Variants in FUT9 observed in about 807,000 individuals in gnomAD.
FUT9 encodes 4-galactosyl-N-acetylglucosaminide 3-alpha-L-fucosyltransferase 9.
A neutral mutation model predicts 29.7 loss-of-function variants in FUT9; 15 were observed. That is an observed-to-expected ratio of 0.51 (90% CI 0.34 to 0.78). The LOEUF (loss-of-function observed/expected upper bound fraction) is 0.78. Ranked by LOEUF, FUT9 falls within the 30% of genes least tolerant of loss-of-function variation. The pLI, the probability that FUT9 is intolerant of heterozygous loss-of-function variation, is 0.01. For missense variants in FUT9, 319 were observed against 425.4 expected (o/e 0.75, Z 2.20); for synonymous variants, 169 against 153.7 (o/e 1.10, Z -0.74).
chr6:96,101,751 T>C (rs1392974867), intron 1 of FUT9, among the ~76,000 whole-genome samples: 1 of 151,026 alleles, frequency 6.6e-6, no homozygotes, highest in African/African-American at 2.4e-5. Context: ...CCTCTTGGGC[T>C]CCAGCTATCC....
In FUT9 at chr6:96,090,101, A is replaced by C. The variant is rs376723133; in HGVS notation, c.-97-23938A>C. Among the ~76,000 whole-genome samples the C allele has an allele frequency of 6.6e-4, 101 of 152,262 alleles. 3 individuals carry two copies. The Middle Eastern group carries it at 0.024, about 36-fold the overall frequency. On this transcript the variant is annotated intron_variant, in intron 1 of 2. Coordinates refer to ENST00000302103, the MANE Select transcript of FUT9 (RefSeq NM_006581.4). ...TTGAACAATACAAGTACCAATGGAC[A>C]TATAGAGTGCTTACGGCCCATAAGA...
chr6:96,047,111 G>A (rs1396326915), intron 1 of FUT9, among the ~76,000 whole-genome samples: 1 of 152,102 alleles, frequency 6.6e-6, no homozygotes, highest in Non-Finnish European at 1.5e-5. Context: ...AAGCTCATAT[G>A]GTTTGGAGCC....
chr6:96,158,857 A>G lies in FUT9; in HGVS notation c.-8-44291A>G, dbSNP rs117687418. 4.1e-4 allele frequency among the ~76,000 whole-genome samples: 62 copies of G among 152,210 alleles called. No homozygotes were observed. The East Asian group carries it at 0.011, about 28-fold the overall frequency. On this transcript the variant is annotated intron_variant, in intron 2 of 2. Coordinates refer to ENST00000302103, the MANE Select transcript of FUT9 (RefSeq NM_006581.4). ...TAACATCATTTGTTAAATTATTTTT[A>G]AGCACTTGCTTGCAGATTTTCTGCT...
intron 1 of FUT9, among the ~76,000 whole-genome samples, chr6:96,052,809 T>G (rs1244281539): frequency 6.6e-6 from 1 of 151,760 alleles, no homozygotes; most frequent in African/African-American, 2.4e-5. Context: ...AAAAAAAATC[T>G]GAAAAAAAAA....
At chr6:96,046,244 C>CACACA (rs71012534) in intron 1 of FUT9, among the ~76,000 whole-genome samples, 2 of 149,138 alleles carry the variant, frequency 1.3e-5, no homozygotes, top group African/African-American at 2.5e-5. Context: ...CACACACACA[C>CACACA]CCCTGAAGCA....
At chr6:96,201,735 T>G (rs1773729097) in intron 2 of FUT9, among the ~76,000 whole-genome samples, 1 of 151,860 alleles carries the variant, frequency 6.6e-6, no homozygotes, top group African/African-American at 2.4e-5. Context: ...TTGATATGTA[T>G]CTTTTGTTTT....
intron 1 of FUT9, among the ~76,000 whole-genome samples, chr6:96,088,530 T>TTGTGTGTG (rs35995545): frequency 1.5e-4 from 22 of 148,830 alleles, no homozygotes; most frequent in African/African-American, 5.5e-4. Context: ...TTTGTTTGTT[T>TTGTGTGTG]TGTGTGTGTG....
chr6:96,140,941 GT>G (rs1376864436), intron 2 of FUT9, among the ~76,000 whole-genome samples: 1 of 152,094 alleles, frequency 6.6e-6, no homozygotes, highest in Non-Finnish European at 1.5e-5. Flanking sequence ...ATAAACATTT[GT>G]TTTATGTTAT....
intron 1 of FUT9, among the ~76,000 whole-genome samples, chr6:96,035,717 A>G (rs1007378712): frequency 7.2e-6 from 1 of 138,570 alleles, no homozygotes; most frequent in Non-Finnish European, 1.5e-5. Context: ...AATTTATTAT[A>G]CTAATAAATA....
chr6:96,174,360 A>G (rs780269720), intron 2 of FUT9, among the ~76,000 whole-genome samples: 3 of 152,180 alleles, frequency 2.0e-5, no homozygotes, highest in Non-Finnish European at 2.9e-5. Flanking sequence ...AAGTGCTGTA[A>G]AAATGGTTGA....
chr6:96,037,314 G>C (rs1010893574), intron 1 of FUT9: 4 of 152,018 alleles, frequency 2.6e-5, no homozygotes, highest in African/African-American at 7.2e-5. Context: ...ACAAACCTAG[G>C]AATTGCATCC....
intron 1 of FUT9, among the ~76,000 whole-genome samples, chr6:96,086,522 C>G (rs1232867653): frequency 2.0e-5 from 3 of 152,114 alleles, no homozygotes; most frequent in Non-Finnish European, 2.9e-5. Flanking sequence ...ACTTCCCCAT[C>G]TTAAAGTCAC....
intron 1 of FUT9, among the ~76,000 whole-genome samples, chr6:96,102,199 C>G (rs12175617): frequency 6.6e-6 from 1 of 151,716 alleles, no homozygotes; most frequent in African/African-American, 2.4e-5. Flanking sequence ...AAATTATGTG[C>G]GCTAATGTAA....
intron 1 of FUT9, among the ~76,000 whole-genome samples, chr6:96,051,010 C>CTGTG (rs72037171): frequency 0.09 from 13,325 of 148,238 alleles, 651 homozygotes; most frequent in South Asian, 0.12. Flanking sequence ...CTCTCTCTCT[C>CTGTG]TCTGTGTGTG....
intron 2 of FUT9, among the ~76,000 whole-genome samples, chr6:96,183,947 AC>A (rs1489172920): frequency 6.6e-6 from 1 of 151,954 alleles, no homozygotes; most frequent in Non-Finnish European, 1.5e-5. Context: ...TTAGGGTGAT[AC>A]TGGCTTCATA....
chr6:96,167,226 T>C (rs756536916), intron 2 of FUT9, among the ~76,000 whole-genome samples: 1 of 152,216 alleles, frequency 6.6e-6, no homozygotes, highest in East Asian at 1.9e-4. Context: ...TAATCCCTAA[T>C]AAGCAACTAT....
chr6:96,133,614 T>G (rs143150896), intron 2 of FUT9, among the ~76,000 whole-genome samples: 1 of 152,058 alleles, frequency 6.6e-6, no homozygotes, highest in East Asian at 1.9e-4. Flanking sequence ...GGCAGTTAAT[T>G]AAATTAAGGT....
chr6:96,068,969 A>G (rs1771007513), intron 1 of FUT9, among the ~76,000 whole-genome samples: 1 of 152,242 alleles, frequency 6.6e-6, no homozygotes, highest in African/African-American at 2.4e-5. Flanking sequence ...TAACCAATTA[A>G]AAATATAAAG....
intron 1 of FUT9, among the ~76,000 whole-genome samples, chr6:96,079,298 A>G (rs1771196636): frequency 6.6e-6 from 1 of 152,156 alleles, no homozygotes; most frequent in Admixed American, 6.5e-5. Flanking sequence ...TGGACACCAC[A>G]GCTATATTGA....
Sources: gnomAD v4.1 joint callset for allele counts (sites outside exome capture counted in the v4.1 genomes callset) on GRCh38, gnomAD v4.1.1 for gene constraint, MANE v1.5 for transcripts, NCBI Gene and HGNC (gene_info 2026-07-23, HGNC 2026-07-21) for gene names.